COL25A1: variants seen among roughly 807,000 people sequenced by gnomAD.
COL25A1 encodes the protein collagen type XXV alpha 1 chain, also known as collagen alpha-1(XXV) chain.
COL25A1 carries 103 observed loss-of-function variants against 128.4 expected under a neutral mutation model. The observed-to-expected ratio is 0.80, with a 90% CI of 0.68 to 0.94. COL25A1 has a LOEUF of 0.94. Ranked by LOEUF, COL25A1 falls within the 40% of genes least tolerant of loss-of-function variation. COL25A1 has a pLI of 0.00. For synonymous variants in COL25A1, 279 were observed against 277.2 expected (o/e 1.01, Z -0.06); for missense variants, 745 against 840.0 (o/e 0.89, Z 1.40).
intron 21 of COL25A1, 59 bp downstream of exon 21, chr4:108,863,260 T>C: frequency 2.6e-6 from 4 of 1,525,376 alleles, no homozygotes; most frequent in Non-Finnish European, 3.6e-6. Context: ...TTTAGTTTTT[T>C]GTGTTCTAAA....
intron 31 of COL25A1, among the ~76,000 whole-genome samples, chr4:108,832,974 A>AATAAATAAATAAATAC (rs1553944782): frequency 8.2e-5 from 9 of 110,098 alleles, no homozygotes; most frequent in South Asian, 2.5e-4. Flanking sequence ...CTCAAAAAAT[A>AATAAATAAATAAATAC]ATAAATAAAT....
intron 3 of COL25A1, among the ~76,000 whole-genome samples, chr4:109,062,090 T>C (rs1762032773): frequency 1.3e-5 from 2 of 152,216 alleles, no homozygotes; most frequent in Non-Finnish European, 2.9e-5. Context: ...TTTTATTGGC[T>C]TTCCATCTGG....
At chr4:109,038,977 C>T (rs1385274915) in intron 5 of COL25A1, among the ~76,000 whole-genome samples, 1 of 152,178 alleles carries the variant, frequency 6.6e-6, no homozygotes, top group Non-Finnish European at 1.5e-5. Flanking sequence ...AGTGGCCTCA[C>T]TATGATTCGC....
Position 109,194,373 on chromosome 4 carries a change from C to A in COL25A1, c.367+106210G>T, listed in dbSNP as rs552557561. On this transcript the variant is annotated intron_variant, in intron 3 of 37. Transcript: ENST00000399132. ...ATCATAAGTGCCCAGAAAAACTTTACAAATCTATTAGCCTGTTATCTCAAT... is the reference window on the plus strand; with the variant it reads ...ATCATAAGTGCCCAGAAAAACTTTAAAAATCTATTAGCCTGTTATCTCAAT... 7.2e-5 allele frequency among the ~76,000 whole-genome samples: 11 copies of A among 152,292 alleles called. No homozygotes were observed. In the South Asian group the frequency reaches 2.3e-3, roughly 32 times the overall value.
chr4:108,911,795 C>G (rs906533457), intron 13 of COL25A1, among the ~76,000 whole-genome samples: 2 of 143,948 alleles, frequency 1.4e-5, no homozygotes, highest in Non-Finnish European at 3.0e-5. Context: ...TAAACATTTG[C>G]TTCGCTGTTT....
intron 6 of COL25A1, among the ~76,000 whole-genome samples, chr4:108,992,177 T>C (rs1286966521): frequency 6.6e-6 from 1 of 152,198 alleles, no homozygotes; most frequent in Non-Finnish European, 1.5e-5. Context: ...CATAACACTT[T>C]ACTCCTCCAA....
intron 31 of COL25A1, chr4:108,834,284 A>C (rs1733514694): frequency 7.0e-7 from 1 of 1,432,488 alleles, no homozygotes; most frequent in Admixed American, 2.0e-5. Context: ...ACATGGAGCA[A>C]AGGGGTCTGT....
In COL25A1 at chr4:108,835,415, T is replaced by C. The variant is rs550699522; in HGVS notation, c.1657-2982A>G. 4.0e-5 allele frequency among the ~76,000 whole-genome samples: 6 copies of C among 149,846 alleles called. No individual in the cohort carries two copies. The East Asian group carries it at 1.1e-3, about 27-fold the overall frequency. The stretch of plus-strand genomic sequence containing the variant: ...TTTATGCTTCAGATGCAGTTAATAA[T>C]ACAGAATGGAAAAAAAAATCTATTC... On this transcript the variant is annotated intron_variant, in intron 31 of 37. Transcript: ENST00000399132.
chr4:108,929,649 C>T (rs1275682795), intron 11 of COL25A1, among the ~76,000 whole-genome samples: 1 of 152,026 alleles, frequency 6.6e-6, no homozygotes, highest in African/African-American at 2.4e-5. Flanking sequence ...TACAGCAAGC[C>T]TCCATCTCCA....
At chr4:108,833,924 C>T (rs1000102505) in intron 31 of COL25A1, among the ~76,000 whole-genome samples, 1 of 152,162 alleles carries the variant, frequency 6.6e-6, no homozygotes. Context: ...GAAGAAGTTA[C>T]ATTTGATGGA....
intron 6 of COL25A1, among the ~76,000 whole-genome samples, chr4:109,001,380 T>TGAGATCCTGTCAGGTAGGCATCG: frequency 1.3e-5 from 2 of 152,176 alleles, no homozygotes; most frequent in Non-Finnish European, 2.9e-5. Context: ...AACAGGCATC[T>TGAGATCCTGTCAGGTAGGCATCG]GAGATCCTGT....
chr4:108,827,335 A>G, intron 32 of COL25A1, 147 bp from the exon 33 acceptor site: 1 of 700,128 alleles, frequency 1.4e-6, no homozygotes, highest in Non-Finnish European at 2.5e-6. Flanking sequence ...ACTGCCAGTG[A>G]TATTTGGAAA....
At chr4:108,982,713 G>A (rs1414173209) in intron 6 of COL25A1, among the ~76,000 whole-genome samples, 1 of 152,088 alleles carries the variant, frequency 6.6e-6, no homozygotes, top group Non-Finnish European at 1.5e-5. Flanking sequence ...CAGAGGGGGT[G>A]GGTATAAACA....
chr4:109,211,411 T>C (rs367588730), intron 3 of COL25A1, among the ~76,000 whole-genome samples: 29 of 149,040 alleles, frequency 1.9e-4, no homozygotes, highest in African/African-American at 6.9e-4. Context: ...TTTCTGATCA[T>C]CTCCTATCCT....
At chr4:109,007,567 C>CT (rs1311876051) in intron 6 of COL25A1, among the ~76,000 whole-genome samples, 4 of 152,002 alleles carry the variant, frequency 2.6e-5, no homozygotes, top group African/African-American at 9.7e-5. Context: ...AATTTATTGA[C>CT]TTCCTTTTGC....
At chr4:108,893,743 G>T (rs772332525) in intron 16 of COL25A1, among the ~76,000 whole-genome samples, 6 of 152,164 alleles carry the variant, frequency 3.9e-5, no homozygotes, top group Non-Finnish European at 7.3e-5. Context: ...CGATGAATGA[G>T]TTTCACATAC....
At chr4:109,296,559 T>C (rs1294503345) in intron 3 of COL25A1, among the ~76,000 whole-genome samples, 2 of 152,120 alleles carry the variant, frequency 1.3e-5, no homozygotes, top group Non-Finnish European at 2.9e-5. Context: ...AGCCTTTTCA[T>C]TTAACCTGAA....
At chr4:108,917,251 A>T (rs567262270) in intron 13 of COL25A1, among the ~76,000 whole-genome samples, 1 of 152,202 alleles carries the variant, frequency 6.6e-6, no homozygotes, top group Non-Finnish European at 1.5e-5. Context: ...GATGGACTCA[A>T]TGGAAAAGGA....
At chr4:108,820,609 G>C (rs1295356431) in intron 35 of COL25A1, among the ~76,000 whole-genome samples, 2 of 151,836 alleles carry the variant, frequency 1.3e-5, no homozygotes, top group African/African-American at 4.8e-5. Context: ...TGGAGAAACA[G>C]ACTTATTTAT....
Sources: gnomAD v4.1 joint callset for allele counts (sites outside exome capture counted in the v4.1 genomes callset) on GRCh38, gnomAD v4.1.1 for gene constraint, MANE v1.5 for transcripts, NCBI Gene and HGNC (gene_info 2026-07-23, HGNC 2026-07-21) for gene names.